The following CAPN9 variants were observed in gnomAD, a reference collection of about 807,000 sequenced individuals.
The protein encoded by CAPN9 is calpain-9.
CAPN9 carries 81 observed loss-of-function variants against 92.8 expected under a neutral mutation model. That is an observed-to-expected ratio of 0.87 (90% CI 0.73 to 1.05). The LOEUF is 1.05. Ranked by LOEUF, CAPN9 falls within the 50% of genes least tolerant of loss-of-function variation. The pLI, the probability that CAPN9 is intolerant of heterozygous loss-of-function variation, is 0.00. For synonymous variants in CAPN9, 304 were observed against 328.0 expected (o/e 0.93, Z 0.79); for missense variants, 848 against 866.2 (o/e 0.98, Z 0.26).
rs760709990 is a variant in CAPN9, at chr1:230,787,568, G to A, written c.1565G>A (p.Arg522Gln). 7.4e-6 allele frequency: 12 copies of A among 1,614,066 alleles called. 1 individual carries two copies. The highest frequency in any genetic ancestry group is 3.3e-4 in the Middle Eastern group (2 of 6,054). ...GACCAGGAGACAGAGGAGGAGCAGC[G>A]GTTTCGGGCTCTGTTTGAACAAGTC... ...PPDQETEEEQ[R>Q]FRALFEQVAG... The change falls in exon 13 of 20, where the codon CGG (arginine) becomes CAG (glutamine). Residue 522 changes from arginine (R) to glutamine (Q), a missense_variant. By Grantham distance (43) the Arg-to-Gln change is conservative (BLOSUM62 1). Transcript: ENST00000271971.
chr1:230,763,349 C>A (rs770709341), intron 4 of CAPN9, among the ~76,000 whole-genome samples: 1 of 152,168 alleles, frequency 6.6e-6, no homozygotes, highest in African/African-American at 2.4e-5. Flanking sequence ...ATCTCCAGCA[C>A]TTTTTCATCT....
At chr1:230,750,998 G>A (rs1243319197) in intron 1 of CAPN9, among the ~76,000 whole-genome samples, 1 of 152,152 alleles carries the variant, frequency 6.6e-6, no homozygotes, top group Non-Finnish European at 1.5e-5. Flanking sequence ...CAGCCTGATG[G>A]GGAACAGCCA....
At position 230,785,995 on chromosome 1, in the gene CAPN9, A is replaced by G. The variant is rs1667556109; in HGVS notation, c.1496A>G (p.Asn499Ser). The G allele has an allele frequency of 3.1e-6, 5 of 1,613,966 alleles. No individual in the cohort carries two copies. The African/African-American group carries it at 5.3e-5, about 17-fold the overall frequency. Residue 499 changes from asparagine (N) to serine (S), a missense_variant, in exon 12 of 20, where the codon AAT (asparagine) becomes AGT (serine). By Grantham distance (46) the Asn-to-Ser change is conservative (BLOSUM62 1). Transcript: ENST00000271971. ...KKAITRDMDG[N>S]VDIDLPEPPK... ...TGCCCCTACAGGGATATGGATGGAA[A>G]TGTAGACATTGACCTTCCTGAGGTG...
intron 19 of CAPN9, among the ~76,000 whole-genome samples, chr1:230,800,310 AAAC>A (rs1558124512): frequency 1.0e-4 from 8 of 77,262 alleles, no homozygotes; most frequent in African/African-American, 4.4e-4. Flanking sequence ...AAGAAAGGAA[AAAC>A]AAGAGAGACC....
At chr1:230,778,792 T>G (rs1409740196) in intron 8 of CAPN9, among the ~76,000 whole-genome samples, 181 bp from the exon 9 acceptor site, 1 of 152,224 alleles carries the variant, frequency 6.6e-6, no homozygotes, top group Admixed American at 6.5e-5. Flanking sequence ...GGTTTTTACC[T>G]TTTTAACCTT....
intron 2 of CAPN9, among the ~76,000 whole-genome samples, chr1:230,758,341 T>G (rs1336390825): frequency 1.3e-5 from 2 of 152,194 alleles, no homozygotes; most frequent in African/African-American, 4.8e-5. Context: ...GCACAAGGTC[T>G]GCCACCCTAG....
At chr1:230,796,936 T>A (rs1008582125) in intron 18 of CAPN9, among the ~76,000 whole-genome samples, 1 of 152,212 alleles carries the variant, frequency 6.6e-6, no homozygotes, top group Admixed American at 6.5e-5. Context: ...CTTTTAGAAT[T>A]ACCAAGGATG....
chr1:230,801,533 G>A, intron 19 of CAPN9, 37 bp from the exon 20 acceptor site: 1 of 1,610,200 alleles, frequency 6.2e-7, no homozygotes, highest in South Asian at 1.1e-5. Context: ...GGACATGGAA[G>A]GACAACGACC....
chr1:230,774,715 G>A lies in CAPN9; in HGVS notation c.953+84G>A, dbSNP rs533155250. 2,045 of 833,954 alleles carry A rather than the reference G, an allele frequency of 2.5e-3. 3 individuals carry two copies. Among genetic ancestry groups the A allele is most frequent in the Non-Finnish European group, 2.9e-3 (1,464 of 511,500 alleles). 51.7% of individuals were successfully genotyped at this position (833,954 alleles called of 1,614,324 possible). A position where few individuals can be genotyped will look rare whatever the true frequency, so the allele number is the denominator to read the frequency against. On this transcript the variant is annotated intron_variant, in intron 8 of 19. Coordinates refer to ENST00000271971, the MANE Select transcript of CAPN9 (RefSeq NM_006615.3). ...GTAAGGAGCACTGTGCTTCTCTCTC[G>A]CTTTCCTTTTTCTTTCTTTCTTTCT...
At chr1:230,800,258 GAA>G (rs1302794679) in intron 19 of CAPN9, among the ~76,000 whole-genome samples, 3 of 119,464 alleles carry the variant, frequency 2.5e-5, no homozygotes, top group East Asian at 4.3e-4. Flanking sequence ...AAGAAAGAAA[GAA>G]AGAAAGAAAG....
At chr1:230,767,780 G>A (rs1666088004) in intron 5 of CAPN9, 71 bp downstream of exon 5, 1 of 1,448,382 alleles carries the variant, frequency 6.9e-7, no homozygotes, top group Non-Finnish European at 9.4e-7. Flanking sequence ...GCACTATGCT[G>A]GGGCTGTACC....
intron 13 of CAPN9, among the ~76,000 whole-genome samples, chr1:230,789,061 G>A (rs1280274321): frequency 6.6e-6 from 1 of 152,122 alleles, no homozygotes; most frequent in Non-Finnish European, 1.5e-5. Context: ...GGCTGGGGCA[G>A]TGCTTTCTTA....
At chr1:230,785,908 G>A in intron 11 of CAPN9, 73 bp from the exon 12 acceptor site, 1 of 1,415,200 alleles carries the variant, frequency 7.1e-7, no homozygotes, top group Non-Finnish European at 1.0e-6. Flanking sequence ...CCAGGCTCTG[G>A]GCTCTTCAGC....
At chr1:230,801,105 G>A (rs1039484473) in intron 19 of CAPN9, among the ~76,000 whole-genome samples, 2 of 152,224 alleles carry the variant, frequency 1.3e-5, no homozygotes, top group South Asian at 2.1e-4. Context: ...AAATGAGGAG[G>A]AATTCCATGC....
In CAPN9 at chr1:230,780,252, C is replaced by T. The variant is rs754182070; in HGVS notation, c.1188C>T (p.Phe396=). ...EKDEGQEECS[F]LVALMQKDRR... The stretch of plus-strand genomic sequence containing the variant: ...ATGAGGGGCAGGAGGAGTGTAGTTT[C>T]CTTGTAGCCCTGATGCAGAAAGATA... Residue 396 remains phenylalanine (F), a synonymous_variant, in exon 10 of 20, where the codon TTC becomes TTT. Transcript: ENST00000271971. The T allele has an allele frequency of 7.4e-6, 12 of 1,613,900 alleles. No individual in the cohort carries two copies. The highest frequency in any genetic ancestry group is 1.7e-5 in the Admixed American group (1 of 59,998).
intron 15 of CAPN9, 92 bp from the exon 16 acceptor site, chr1:230,792,334 G>A (rs534856931): frequency 1.3e-5 from 14 of 1,055,074 alleles, no homozygotes; most frequent in East Asian, 7.1e-5. Context: ...CCAGCCCATC[G>A]GCCCTCCCCC....
At chr1:230,772,137 G>A (rs990358458) in intron 7 of CAPN9, 38 bp downstream of exon 7, 3 of 1,543,462 alleles carry the variant, frequency 1.9e-6, no homozygotes, top group Non-Finnish European at 2.7e-6. Flanking sequence ...CTGGTTCCCG[G>A]GGCGTGTGGG....
At chr1:230,786,489 G>A (rs1667593673) in intron 12 of CAPN9, among the ~76,000 whole-genome samples, 1 of 152,216 alleles carries the variant, frequency 6.6e-6, no homozygotes, top group African/African-American at 2.4e-5. Context: ...AATAACAAAA[G>A]TGAAGCCAGT....
In CAPN9 at chr1:230,769,250, C is replaced by A; in HGVS notation, c.776C>A (p.Thr259Lys). ...GLIKGHAYSV[T>K]GIDQVSFRGQ... Reference sequence around the variant, plus strand: ...ATTAAGGGTCATGCCTACAGTGTAACGGGAATTGACCAGGTAGGCGACTTG... The same window carrying A: ...ATTAAGGGTCATGCCTACAGTGTAAAGGGAATTGACCAGGTAGGCGACTTG... Residue 259 changes from threonine to lysine, a missense_variant, in exon 6 of 20, where the codon ACG becomes AAG. Physicochemically the swap from Thr to Lys is moderately conservative, Grantham distance 78. Coordinates refer to ENST00000271971, the MANE Select transcript of CAPN9 (RefSeq NM_006615.3). 2 of 1,613,514 alleles carry A rather than the reference C, an allele frequency of 1.2e-6. No individual in the cohort carries two copies. The highest frequency in any genetic ancestry group is 1.1e-5 in the South Asian group (1 of 91,054).
Sources: allele counts gnomAD v4.1 joint callset (sites outside exome capture counted in the v4.1 genomes callset), GRCh38; gene constraint gnomAD v4.1.1; transcripts MANE v1.5; gene names NCBI Gene and HGNC (gene_info 2026-07-23, HGNC 2026-07-21).